KANK1: variants seen among roughly 807,000 people sequenced by gnomAD.
The protein encoded by KANK1 is KN motif and ankyrin repeat domain-containing protein 1.
KANK1 carries 109 observed loss-of-function variants against 106.2 expected under a neutral mutation model. That is an observed-to-expected ratio of 1.03 (90% CI 0.88 to 1.20). The LOEUF is 1.20. KANK1 is among the 50% of genes most tolerant of loss of function. The pLI, the probability that KANK1 is intolerant of heterozygous loss-of-function variation, is 0.00. For missense variants in KANK1, 2,399 were observed against 1,710.7 expected (o/e 1.40, Z -7.10); for synonymous variants, 873 against 652.2 (o/e 1.34, Z -5.16).
intron 1 of KANK1, among the ~76,000 whole-genome samples, chr9:614,432 C>A (rs975068702): frequency 6.6e-6 from 1 of 152,112 alleles, no homozygotes; most frequent in Non-Finnish European, 1.5e-5. Context: ...ATCATACTGG[C>A]ATAAAGTTAA....
chr9:638,154 C>A (rs867323915), intron 1 of KANK1, among the ~76,000 whole-genome samples: 2 of 152,164 alleles, frequency 1.3e-5, no homozygotes, highest in African/African-American at 4.8e-5. Flanking sequence ...CCTTAAGATA[C>A]AAACAAAGCA....
chr9:675,499 C>G (rs895713118), intron 1 of KANK1, among the ~76,000 whole-genome samples: 5 of 151,994 alleles, frequency 3.3e-5, no homozygotes, highest in Non-Finnish European at 7.4e-5. Flanking sequence ...AAACAGTATA[C>G]TTTTTTGTAT....
intron 3 of KANK1, among the ~76,000 whole-genome samples, chr9:724,612 G>C (rs564996020): frequency 6.6e-6 from 1 of 152,048 alleles, no homozygotes; most frequent in Non-Finnish European, 1.5e-5. Context: ...GACCAGCCTA[G>C]CCAACATAGT....
chr9:486,031 A>G (rs2058288924), intron 3 of KANK1, among the ~76,000 whole-genome samples: 1 of 152,166 alleles, frequency 6.6e-6, no homozygotes, highest in Non-Finnish European at 1.5e-5. Context: ...GTCTTTAGCC[A>G]GTTTGACTTG....
At chr9:590,163 T>C (rs1824489318) in intron 1 of KANK1, among the ~76,000 whole-genome samples, 2 of 152,190 alleles carry the variant, frequency 1.3e-5, no homozygotes, top group South Asian at 2.1e-4. Flanking sequence ...AGGAGTTAAG[T>C]GCCACATGAT....
intron 1 of KANK1, among the ~76,000 whole-genome samples, chr9:564,252 G>A (rs568637295): frequency 2.6e-5 from 4 of 151,836 alleles, no homozygotes; most frequent in South Asian, 4.2e-4. Context: ...TAGTAGAGAC[G>A]GGGTTTCACT....
chr9:710,684 A>G, intron 2 of KANK1, 120 bp from the exon 3 acceptor site: 1 of 848,694 alleles, frequency 1.2e-6, no homozygotes, highest in Middle Eastern at 2.6e-4. Flanking sequence ...CAGGTTCAAA[A>G]CATAGGTGTG....
intron 1 of KANK1, among the ~76,000 whole-genome samples, chr9:575,417 C>G (rs1204091324): frequency 1.3e-5 from 2 of 151,736 alleles, no homozygotes; most frequent in African/African-American, 4.8e-5. Context: ...CCTGTAATTC[C>G]AGCACTTTGG....
At chr9:477,696 C>T (rs1197504346) in intron 3 of KANK1, 1 of 152,264 alleles carries the variant, frequency 6.6e-6, no homozygotes, top group African/African-American at 2.4e-5. Flanking sequence ...GTGTTCTGCT[C>T]CTCACTTAAA....
At chr9:566,959 A>G (rs117355118) in intron 1 of KANK1, among the ~76,000 whole-genome samples, 2,238 of 151,980 alleles carry the variant, frequency 0.015, 28 homozygotes, top group South Asian at 0.032. Flanking sequence ...TGCTTAGGTT[A>G]TCATCCAGGT....
At chr9:695,699 C>A (rs1821094074) in intron 2 of KANK1, among the ~76,000 whole-genome samples, 1 of 152,066 alleles carries the variant, frequency 6.6e-6, no homozygotes, top group Non-Finnish European at 1.5e-5. Context: ...AGAGGGTGAT[C>A]CAGTACCACT....
chr9:603,735 C>T (rs1349158063), intron 1 of KANK1, among the ~76,000 whole-genome samples: 1 of 151,488 alleles, frequency 6.6e-6, no homozygotes. Flanking sequence ...GCGGGCGGAT[C>T]ACCTGAGGTC....
At chr9:576,559 A>G (rs1820615050) in intron 1 of KANK1, among the ~76,000 whole-genome samples, 1 of 152,176 alleles carries the variant, frequency 6.6e-6, no homozygotes, top group Non-Finnish European at 1.5e-5. Context: ...CTCAGTCTTG[A>G]GAGCAGGCTC....
Position 732,566 on chromosome 9 carries a change from A to G in KANK1, c.3194A>G (p.Asp1065Gly), listed in dbSNP as rs1413270938. The G allele has an allele frequency of 1.2e-6, 2 of 1,614,204 alleles. No homozygotes were observed. The highest frequency in any genetic ancestry group is 1.7e-6 in the Non-Finnish European group (2 of 1,180,028). The change falls in exon 6 of 12, where the codon GAT becomes GGT. Residue 1065 changes from aspartate (D) to glycine (G), a missense_variant. By Grantham distance (94) the Asp-to-Gly change is moderately conservative (BLOSUM62 -1). Transcript: ENST00000382297. ...IEGLKSARVE[D>G]EMQVQECEPE... ...GGTTTGAAGTCTGCCAGGGTGGAAG[A>G]TGAAATGCAGGTTCAAGAATGTGAA...
chr9:559,663 G>A (rs144749154), intron 1 of KANK1, among the ~76,000 whole-genome samples: 131 of 152,322 alleles, frequency 8.6e-4, no homozygotes, highest in African/African-American at 3.1e-3. Context: ...GAAAAAGACG[G>A]AAAAGACAAA....
intron 1 of KANK1, among the ~76,000 whole-genome samples, chr9:603,410 CAGA>C (rs1828273541): frequency 6.6e-6 from 1 of 151,750 alleles, no homozygotes; most frequent in Non-Finnish European, 1.5e-5. Flanking sequence ...ATAACTCAGC[CAGA>C]AGAATTCACT....
chr9:669,994 C>G (rs1845522493), intron 1 of KANK1, among the ~76,000 whole-genome samples: 1 of 152,070 alleles, frequency 6.6e-6, no homozygotes, highest in Admixed American at 6.5e-5. Context: ...CTTTCCTCTG[C>G]TTGATGCATT....
At chr9:678,580 T>C (rs1272835912) in intron 2 of KANK1, among the ~76,000 whole-genome samples, 1 of 151,866 alleles carries the variant, frequency 6.6e-6, no homozygotes, top group Non-Finnish European at 1.5e-5. Context: ...ATACAAAAAT[T>C]AGCCAGGCAT....
At chr9:538,318 C>G (rs2060411772) in intron 1 of KANK1, among the ~76,000 whole-genome samples, 1 of 152,198 alleles carries the variant, frequency 6.6e-6, no homozygotes, top group Non-Finnish European at 1.5e-5. Context: ...GCAAGGCCCT[C>G]TATCTCAGGG....
Sources: allele counts gnomAD v4.1 joint callset (sites outside exome capture counted in the v4.1 genomes callset), GRCh38; gene constraint gnomAD v4.1.1; transcripts MANE v1.5; gene names NCBI Gene and HGNC (gene_info 2026-07-23, HGNC 2026-07-21).